The following CCDC110 variants were observed in gnomAD, a reference collection of about 807,000 sequenced individuals.
The protein encoded by CCDC110 is coiled-coil domain-containing protein 110.
In CCDC110, 70 loss-of-function variants were observed where a neutral mutation model predicts 77.1. The observed-to-expected ratio is 0.91, with a 90% CI of 0.75 to 1.11. CCDC110 has a LOEUF of 1.11. Ranked by LOEUF, CCDC110 falls within the 50% of genes least tolerant of loss-of-function variation. The pLI is 0.00. For synonymous variants in CCDC110, 295 were observed against 312.5 expected, an observed-to-expected ratio of 0.94 and a Z score of 0.59; for missense variants, 868 against 942.9, an observed-to-expected ratio of 0.92 and a Z score of 1.04.
chr4:185,471,598 G>A (rs766023237), intron 1 of CCDC110, 76 bp downstream of exon 1: 2 of 1,479,614 alleles, frequency 1.4e-6, no homozygotes, highest in South Asian at 2.5e-5. Context: ...CGAGCGGGGA[G>A]CCGCCTGCTG....
At chr4:185,462,963 T>C (rs1181702893) in intron 3 of CCDC110, 31 bp downstream of exon 3, 1 of 1,570,440 alleles carries the variant, frequency 6.4e-7, no homozygotes, top group Non-Finnish European at 8.8e-7. Flanking sequence ...ACCCAGAATT[T>C]TGGAGATGAT....
intron 1 of CCDC110, 184 bp from the exon 2 acceptor site, chr4:185,471,233 AG>A (rs2153326539): frequency 1.9e-4 from 1 of 5,174 alleles, no homozygotes. Flanking sequence ...GGCGGGGCGG[AG>A]GGAATTAGGA....
chr4:185,447,562 T>C (rs1011850770), intron 6 of CCDC110, among the ~76,000 whole-genome samples: 2 of 152,354 alleles, frequency 1.3e-5, no homozygotes, highest in South Asian at 2.1e-4. Context: ...AAGTTTTTTC[T>C]TGAGCACTTG....
At chr4:185,454,435 C>T (rs1036347429) in intron 6 of CCDC110, among the ~76,000 whole-genome samples, 6 of 151,876 alleles carry the variant, frequency 4.0e-5, no homozygotes, top group Non-Finnish European at 8.8e-5. Context: ...CTAAAATTGT[C>T]GGGCGTGGTG....
At chr4:185,457,147 A>G (rs897763618) in intron 6 of CCDC110, 1 of 423,626 alleles carries the variant, frequency 2.4e-6, no homozygotes. Context: ...ATTAAAGGAG[A>G]AAAACCAGGA....
At position 185,459,952 on chromosome 4, in the gene CCDC110, A is replaced by G. The variant is rs2095643027; in HGVS notation, c.635T>C (p.Met212Thr). 1 of 1,613,872 alleles carries G rather than the reference A, an allele frequency of 6.2e-7. No homozygotes were observed. Among genetic ancestry groups the G allele is most frequent in the Non-Finnish European group, 8.5e-7 (1 of 1,179,848 alleles). ...CAGAATTACTGTATCAGCTTGAGAC[A>G]TCACATTTGGAGGTGCAGTAGGTAG... is the stretch of plus-strand genomic sequence containing the variant. Reference protein sequence around the residue: ...RFLPTAPPNVMSQADTVILDK... With the variant: ...RFLPTAPPNVTSQADTVILDK... The change falls in exon 6 of 7, where the codon ATG becomes ACG. Residue 212 changes from methionine to threonine, a missense_variant. Met to Thr is a moderately conservative substitution (Grantham distance 81, BLOSUM62 -1). Transcript: ENST00000307588.
chr4:185,462,910 G>C, intron 3 of CCDC110, 84 bp downstream of exon 3: 1 of 1,202,016 alleles, frequency 8.3e-7, no homozygotes, highest in Non-Finnish European at 1.2e-6. Flanking sequence ...GAGAGAACCC[G>C]TTTGCATTTA....
chr4:185,452,285 G>A (rs115818714), intron 6 of CCDC110: 674 of 985,232 alleles, frequency 6.8e-4, no homozygotes, highest in Non-Finnish European at 7.8e-4. Context: ...TGCATCCATC[G>A]TCAATGAGTA....
intron 6 of CCDC110, among the ~76,000 whole-genome samples, chr4:185,456,866 A>T (rs1188678013): frequency 6.6e-5 from 10 of 152,218 alleles, no homozygotes; most frequent in Non-Finnish European, 1.3e-4. Flanking sequence ...AATAATATTA[A>T]TAATACCAAT....
In CCDC110 at chr4:185,458,533, G is replaced by T; in HGVS notation, c.2054C>A (p.Ser685Ter). 6.2e-7 allele frequency: 1 copy of T among 1,608,248 alleles called. No homozygotes were observed. The highest frequency in any genetic ancestry group is 8.5e-7 in the Non-Finnish European group (1 of 1,179,006). Reference sequence around the variant, plus strand: ...GCTATTCTTATAAATACTTGCTTCTGATTTTGCATTTTTTATTTCTTGCAG... The same window carrying T: ...GCTATTCTTATAAATACTTGCTTCTTATTTTGCATTTTTTATTTCTTGCAG... ...NFLQEIKNAK[S>*]EASIYKNSLS... Residue 685 changes from serine to a stop codon, truncating the protein, a stop_gained, in exon 6 of 7, where the codon TCA becomes TAA. Coordinates refer to ENST00000307588, the MANE Select transcript of CCDC110 (RefSeq NM_152775.4). LOFTEE classifies it high-confidence loss of function.
rs936365907 is a variant in CCDC110 at position 185,445,394 on chromosome 4, G to C, written c.*108C>G. ...ATAATTTTTAAAGCAAATATATAGC[G>C]CCTCATTATGAGTCATTTGAGATGA... On this transcript the variant is annotated 3_prime_UTR_variant, in exon 7 of 7. Transcript: ENST00000307588. The C allele has an allele frequency of 2.4e-6, 2 of 840,968 alleles. No homozygotes were observed. Among genetic ancestry groups the C allele is most frequent in the Non-Finnish European group, 3.8e-6 (2 of 520,942 alleles). 52.1% of individuals were successfully genotyped at this position (840,968 alleles called of 1,614,324 possible).
intron 6 of CCDC110, among the ~76,000 whole-genome samples, chr4:185,449,282 A>G (rs2095624218): frequency 6.6e-6 from 1 of 152,178 alleles, no homozygotes; most frequent in African/African-American, 2.4e-5. Flanking sequence ...GCACTTTGGA[A>G]AGCCAAGGTA....
At chr4:185,463,506 G>A (rs1024340727) in intron 2 of CCDC110, among the ~76,000 whole-genome samples, 23 of 152,186 alleles carry the variant, frequency 1.5e-4, no homozygotes, top group African/African-American at 2.7e-4. Context: ...AGCACAGTAC[G>A]CACTTGTGGC....
At chr4:185,450,596 AATT>A (rs1268650997) in intron 6 of CCDC110, among the ~76,000 whole-genome samples, 1 of 152,016 alleles carries the variant, frequency 6.6e-6, no homozygotes, top group Non-Finnish European at 1.5e-5. Context: ...ACAATACAAA[AATT>A]ATCTGGGCAT....
At chr4:185,470,137 A>C (rs1276937589) in intron 2 of CCDC110, among the ~76,000 whole-genome samples, 1 of 152,200 alleles carries the variant, frequency 6.6e-6, no homozygotes, top group Non-Finnish European at 1.5e-5. Context: ...TGGCTATTTC[A>C]AACATCCTCC....
rs371320200 is a variant in CCDC110, at chr4:185,445,478, G to A, written c.*24C>T. On this transcript the variant is annotated 3_prime_UTR_variant, in exon 7 of 7. Transcript: ENST00000307588. ...TAACATTGGCTATTTCTCGAAGGGAGTTTCTTAGCAATCTTGAGGAATCCT... is the reference window on the plus strand; with the variant it reads ...TAACATTGGCTATTTCTCGAAGGGAATTTCTTAGCAATCTTGAGGAATCCT... The A allele has an allele frequency of 6.5e-7, 1 of 1,536,510 alleles. No homozygotes were observed. The highest frequency in any genetic ancestry group is 8.9e-7 in the Non-Finnish European group (1 of 1,117,666).
At chr4:185,454,590 T>C (rs1001929482) in intron 6 of CCDC110, among the ~76,000 whole-genome samples, 2 of 151,982 alleles carry the variant, frequency 1.3e-5, no homozygotes, top group Non-Finnish European at 2.9e-5. Context: ...GGCACATGCC[T>C]GTAGTCCCAG....
At chr4:185,451,559 G>T (rs1038805748) in intron 6 of CCDC110, among the ~76,000 whole-genome samples, 10 of 152,190 alleles carry the variant, frequency 6.6e-5, no homozygotes, top group Admixed American at 2.6e-4. Context: ...AGGGTATAAT[G>T]TGAATCAAAG....
chr4:185,467,867 C>T (rs1375905728), intron 2 of CCDC110, among the ~76,000 whole-genome samples: 1 of 152,190 alleles, frequency 6.6e-6, no homozygotes, highest in Non-Finnish European at 1.5e-5. Context: ...CTCCCGGGTT[C>T]AAGTGATTCT....
Sources: gnomAD v4.1 joint callset for allele counts (sites outside exome capture counted in the v4.1 genomes callset) on GRCh38, gnomAD v4.1.1 for gene constraint, MANE v1.5 for transcripts, NCBI Gene and HGNC (gene_info 2026-07-23, HGNC 2026-07-21) for gene names.